The following WWP2 variants were observed in gnomAD, a reference collection of about 807,000 sequenced individuals.
WWP2 encodes the protein NEDD4-like E3 ubiquitin-protein ligase WWP2.
A neutral mutation model predicts 121.0 loss-of-function variants in WWP2; 57 were observed. The ratio of observed to expected loss-of-function variants is 0.47; its 90% CI spans 0.38 to 0.59. WWP2 has a LOEUF of 0.59. Ranked by LOEUF, WWP2 falls within the 20% of genes least tolerant of loss-of-function variation. The pLI, the probability that WWP2 is intolerant of heterozygous loss-of-function variation, is 0.00. For synonymous variants in WWP2, 449 were observed against 441.3 expected (o/e 1.02, Z -0.22); for missense variants, 962 against 1,158.9 (o/e 0.83, Z 2.47).
intron 4 of WWP2, among the ~76,000 whole-genome samples, chr16:69,801,918 A>G (rs1323555404): frequency 1.3e-5 from 2 of 151,474 alleles, no homozygotes; most frequent in African/African-American, 2.4e-5. Flanking sequence ...ATCAATATAT[A>G]TTTATTTTTA....
intron 8 of WWP2, among the ~76,000 whole-genome samples, chr16:69,907,573 G>C (rs904570234): frequency 6.6e-6 from 1 of 152,134 alleles, no homozygotes; most frequent in African/African-American, 2.4e-5. Context: ...ATACATTTTT[G>C]CATCCTTTAT....
intron 4 of WWP2, among the ~76,000 whole-genome samples, chr16:69,839,599 C>CT (rs1038003207): frequency 2.2e-4 from 33 of 152,132 alleles, no homozygotes; most frequent in African/African-American, 7.2e-4. Context: ...ATTGTTTTAA[C>CT]TTTTTTTTCC....
At chr16:69,809,564 C>T (rs1301567983) in intron 4 of WWP2, among the ~76,000 whole-genome samples, 4 of 152,040 alleles carry the variant, frequency 2.6e-5, no homozygotes, top group Non-Finnish European at 2.9e-5. Context: ...GTCAGGAGTT[C>T]GAGACCAGCC....
chr16:69,841,562 C>A (rs1206063256), intron 5 of WWP2, among the ~76,000 whole-genome samples: 1 of 152,112 alleles, frequency 6.6e-6, no homozygotes, highest in African/African-American at 2.4e-5. Flanking sequence ...GGATTTTGGA[C>A]CTCATCTTGA....
Position 69,927,947 on chromosome 16 carries a change from C to A in WWP2, c.1235-1501C>A, listed in dbSNP as rs1353451791. Among the ~76,000 whole-genome samples the A allele has an allele frequency of 2.6e-5, 4 of 152,226 alleles. No homozygotes were observed. In the East Asian group the frequency reaches 7.7e-4, roughly 29 times the overall value. ...AAAGTGCTGGGATTACAGGCGTGATCCACCGTGCCCAGCCTGTCTTTATTT... is the reference window on the plus strand; with the variant it reads ...AAAGTGCTGGGATTACAGGCGTGATACACCGTGCCCAGCCTGTCTTTATTT... On this transcript the variant is annotated intron_variant, in intron 11 of 23. Coordinates refer to ENST00000359154, the MANE Select transcript of WWP2 (RefSeq NM_001270454.2).
chr16:69,873,164 G>A lies in WWP2; in HGVS notation c.703+1233G>A, dbSNP rs930584760. ...GACCCAGAGCAGCATGGCTTTTCAC[G>A]GAAGTGTTGTTGTGGCATTGTTAAG... is the stretch of plus-strand genomic sequence containing the variant. On this transcript the variant is annotated intron_variant, in intron 7 of 23. Transcript: ENST00000359154. Among the ~76,000 whole-genome samples, 8 of 152,310 alleles carry A rather than the reference G, an allele frequency of 5.3e-5. No individual in the cohort carries two copies. In the East Asian group the frequency reaches 1.3e-3, roughly 26 times the overall value.
At chr16:69,764,083 T>G (rs1004100628) in intron 1 of WWP2, among the ~76,000 whole-genome samples, 1 of 152,254 alleles carries the variant, frequency 6.6e-6, no homozygotes, top group African/African-American at 2.4e-5. Flanking sequence ...ATGAAGAGAC[T>G]GAGGCTTAAT....
In WWP2 at chr16:69,940,031, C is replaced by T; in HGVS notation, c.*91C>T. 1 of 1,076,182 alleles carries T rather than the reference C, an allele frequency of 9.3e-7. No individual in the cohort carries two copies. The highest frequency in any genetic ancestry group is 1.5e-5 in the South Asian group (1 of 64,888). 66.7% of individuals were successfully genotyped at this position (1,076,182 alleles called of 1,614,324 possible). ...CACTGGCCCCGCAGCCCTTGGGAGG[C>T]CCCCGTGGATGTGGCCCTGTGTGGG... On this transcript the variant is annotated 3_prime_UTR_variant, in exon 24 of 24. Coordinates refer to ENST00000359154, the MANE Select transcript of WWP2 (RefSeq NM_001270454.2).
chr16:69,921,610 G>C (rs1345617212), intron 10 of WWP2, among the ~76,000 whole-genome samples: 1 of 152,118 alleles, frequency 6.6e-6, no homozygotes, highest in Non-Finnish European at 1.5e-5. Context: ...TGATCATCGT[G>C]TATCTTTTCG....
At chr16:69,772,644 G>A (rs2055441785) in intron 1 of WWP2, among the ~76,000 whole-genome samples, 1 of 152,126 alleles carries the variant, frequency 6.6e-6, no homozygotes, top group Non-Finnish European at 1.5e-5. Context: ...TGGGCTATTA[G>A]ACATTTCTAG....
chr16:69,811,629 C>T (rs891292292), intron 4 of WWP2, among the ~76,000 whole-genome samples: 4 of 151,600 alleles, frequency 2.6e-5, no homozygotes, highest in Admixed American at 2.0e-4. Flanking sequence ...GGGCATGCAA[C>T]GGTAGTCCCA....
At chr16:69,777,816 C>T (rs918727281) in intron 1 of WWP2, among the ~76,000 whole-genome samples, 39 of 149,926 alleles carry the variant, frequency 2.6e-4, no homozygotes, top group Admixed American at 1.3e-3. Flanking sequence ...CTTGTAATCC[C>T]ATCACTTTGG....
chr16:69,826,922 G>A (rs1363905559), intron 4 of WWP2, among the ~76,000 whole-genome samples: 1 of 129,100 alleles, frequency 7.7e-6, no homozygotes, highest in Non-Finnish European at 1.6e-5. Context: ...CTGGGTGACA[G>A]AGCGAGACTC....
chr16:69,839,766 G>C (rs2056941329), intron 4 of WWP2, among the ~76,000 whole-genome samples: 1 of 152,186 alleles, frequency 6.6e-6, no homozygotes, highest in African/African-American at 2.4e-5. Context: ...TCTATGGGCA[G>C]GGGGATATTA....
chr16:69,874,517 A>T (rs2057701338), intron 7 of WWP2, among the ~76,000 whole-genome samples: 1 of 152,182 alleles, frequency 6.6e-6, no homozygotes, highest in South Asian at 2.1e-4. Context: ...GCTGGGTTCC[A>T]GGTGGTTTTT....
intron 4 of WWP2, among the ~76,000 whole-genome samples, chr16:69,826,562 A>G (rs1317648302): frequency 3.3e-5 from 4 of 120,614 alleles, no homozygotes; most frequent in Non-Finnish European, 6.7e-5. Flanking sequence ...ACAGAGTGAG[A>G]CTCCGTCTCA....
At chr16:69,840,861 G>A (rs2056965013) in intron 5 of WWP2, among the ~76,000 whole-genome samples, 1 of 152,176 alleles carries the variant, frequency 6.6e-6, no homozygotes, top group South Asian at 2.1e-4. Context: ...TAAATGTTTT[G>A]TTAGATGTGA....
At chr16:69,847,330 GCA>G (rs1321910324) in intron 6 of WWP2, among the ~76,000 whole-genome samples, 2 of 150,560 alleles carry the variant, frequency 1.3e-5, no homozygotes, top group East Asian at 3.9e-4. Context: ...GGCGATCCAC[GCA>G]CCTTGGCCTC....
chr16:69,939,755 T>C (rs2058852786), intron 23 of WWP2, 86 bp from the exon 24 acceptor site: 3 of 1,266,888 alleles, frequency 2.4e-6, no homozygotes, highest in Non-Finnish European at 3.3e-6. Context: ...GTGCAAGCCC[T>C]GTGGCCCTGC....
Sources: gnomAD v4.1 joint callset for allele counts (sites outside exome capture counted in the v4.1 genomes callset) on GRCh38, gnomAD v4.1.1 for gene constraint, MANE v1.5 for transcripts, NCBI Gene and HGNC (gene_info 2026-07-23, HGNC 2026-07-21) for gene names.